LVRN: variants seen among roughly 807,000 people sequenced by gnomAD.
LVRN encodes laeverin.
LVRN carries 99 observed loss-of-function variants against 111.4 expected under a neutral mutation model. The observed-to-expected ratio is 0.89, with a 90% CI of 0.76 to 1.05. The LOEUF (loss-of-function observed/expected upper bound fraction) is 1.05. Among genes scored for constraint, LVRN ranks in the 50% least tolerant of loss-of-function variants. The pLI, the probability that LVRN is intolerant of heterozygous loss-of-function variation, is 0.00. For synonymous variants in LVRN, 488 were observed against 449.5 expected (o/e 1.09, Z -1.08); for missense variants, 1,414 against 1,206.8 (o/e 1.17, Z -2.54).
intron 4 of LVRN, among the ~76,000 whole-genome samples, chr5:115,990,960 C>T (rs920844784): frequency 1.7e-4 from 26 of 152,074 alleles, no homozygotes; most frequent in Admixed American, 1.6e-3. Context: ...CCCATATATT[C>T]TCTCTTTCCT....
At chr5:115,968,625 G>T (rs1223425033) in intron 1 of LVRN, among the ~76,000 whole-genome samples, 6 of 152,216 alleles carry the variant, frequency 3.9e-5, no homozygotes. Context: ...AGCCCTTGCT[G>T]TATAGTAGAG....
intron 18 of LVRN, chr5:116,020,943 T>C (rs562225130): frequency 2.8e-4 from 42 of 152,364 alleles, no homozygotes; most frequent in African/African-American, 1.0e-3. Flanking sequence ...AATTAGAATG[T>C]ATTTGAACAC....
intron 1 of LVRN, among the ~76,000 whole-genome samples, chr5:115,967,418 G>A (rs1297413825): frequency 6.6e-6 from 1 of 152,070 alleles, no homozygotes; most frequent in African/African-American, 2.4e-5. Context: ...AATTGCTTTT[G>A]CACCTTTGTC....
At chr5:116,016,795 G>C (rs1440750573) in intron 18 of LVRN, among the ~76,000 whole-genome samples, 1 of 152,112 alleles carries the variant, frequency 6.6e-6, no homozygotes, top group Admixed American at 6.5e-5. Flanking sequence ...CAGTAGACCA[G>C]TTGTTCCAGA....
intron 1 of LVRN, among the ~76,000 whole-genome samples, chr5:115,979,417 G>A (rs1753516262): frequency 1.3e-5 from 2 of 151,972 alleles, no homozygotes; most frequent in East Asian, 3.9e-4. Flanking sequence ...TGAGAGCGTG[G>A]AAAGCTTGGC....
Position 116,026,277 on chromosome 5 carries a change from G to A in LVRN, c.*159G>A. ...CCATTCTTCTCATATTGTCATGTTTGGCCCTGAGGGTGGGTGATTGCTGAC... is the reference window on the plus strand; with the variant it reads ...CCATTCTTCTCATATTGTCATGTTTAGCCCTGAGGGTGGGTGATTGCTGAC... On this transcript the variant is annotated 3_prime_UTR_variant, in exon 20 of 20. Coordinates refer to ENST00000357872, the MANE Select transcript of LVRN (RefSeq NM_173800.5). 8.9e-7 allele frequency: 1 copy of A among 1,125,520 alleles called. No homozygotes were observed. Among genetic ancestry groups the A allele is most frequent in the Non-Finnish European group, 1.2e-6 (1 of 806,742 alleles). The allele number at this position is 1,125,520 out of a possible 1,614,324, so 69.7% of individuals were successfully genotyped here.
chr5:115,966,030 C>A (rs371295515), intron 1 of LVRN, among the ~76,000 whole-genome samples: 1 of 151,918 alleles, frequency 6.6e-6, no homozygotes, highest in South Asian at 2.1e-4. Context: ...TCCTAGGTAC[C>A]CTTCATCTAG....
intron 1 of LVRN, among the ~76,000 whole-genome samples, chr5:115,982,181 A>G (rs1284347369): frequency 6.6e-6 from 1 of 152,166 alleles, no homozygotes; most frequent in Non-Finnish European, 1.5e-5. Flanking sequence ...AGGTTATGAC[A>G]CCTCAAAATG....
In LVRN at chr5:115,997,479, CAT is replaced by C. The variant is rs555115560; in HGVS notation, c.1375-2281_1375-2280del. On this transcript the variant is annotated intron_variant, in intron 6 of 19. Transcript: ENST00000357872. ...AGGAGTTTAAGACCAGCCTGGGCAA[CAT>C]AGTGAAATCTCGTCTCTACTAAAAT... Among the ~76,000 whole-genome samples the C allele has an allele frequency of 5.3e-5, 8 of 152,184 alleles. No homozygotes were observed. In the East Asian group the frequency reaches 1.5e-3, roughly 29 times the overall value.
chr5:116,014,388 A>G, intron 15 of LVRN, 32 bp from the exon 16 acceptor site: 1 of 1,531,938 alleles, frequency 6.5e-7, no homozygotes, highest in Non-Finnish European at 9.0e-7. Flanking sequence ...GTAATGCAAA[A>G]TAAACTGTTT....
At chr5:116,006,031 C>T in intron 13 of LVRN, 64 bp downstream of exon 13, 1 of 1,303,542 alleles carries the variant, frequency 7.7e-7, no homozygotes, top group Non-Finnish European at 1.1e-6. Flanking sequence ...AAAATAATAG[C>T]TTCATCACTA....
chr5:116,024,845 A>G (rs1043291133), intron 19 of LVRN, among the ~76,000 whole-genome samples: 3 of 152,224 alleles, frequency 2.0e-5, no homozygotes, highest in Non-Finnish European at 4.4e-5. Context: ...CTTAAGGTCC[A>G]GCGGTCCTGC....
Position 115,962,559 on chromosome 5 carries a change from G to C in LVRN, c.-59G>C, listed in dbSNP as rs750309575. On this transcript the variant is annotated 5_prime_UTR_variant, in exon 1 of 20. Coordinates refer to ENST00000357872, the MANE Select transcript of LVRN (RefSeq NM_173800.5). ...CGCAGCACTGAACACCCTGGCCGGG[G>C]TTTTGACAGCTGCCACAGTCTCTGA... 6.6e-7 allele frequency: 1 copy of C among 1,509,852 alleles called. No homozygotes were observed. Among genetic ancestry groups the C allele is most frequent in the East Asian group, 2.3e-5 (1 of 44,102 alleles). 93.5% of individuals were successfully genotyped at this position (1,509,852 alleles called of 1,614,324 possible).
At chr5:115,987,404 C>A (rs1400532110) in intron 3 of LVRN, among the ~76,000 whole-genome samples, 1 of 152,042 alleles carries the variant, frequency 6.6e-6, no homozygotes, top group East Asian at 1.9e-4. Flanking sequence ...TTAATATGTA[C>A]CATACTATAT....
At chr5:115,979,966 G>A (rs1193709414) in intron 1 of LVRN, among the ~76,000 whole-genome samples, 1 of 152,104 alleles carries the variant, frequency 6.6e-6, no homozygotes, top group African/African-American at 2.4e-5. Context: ...GTGTCATGTG[G>A]TTCTTGACCA....
At chr5:116,004,387 C>T (rs185150586) in intron 12 of LVRN, among the ~76,000 whole-genome samples, 2 of 152,090 alleles carry the variant, frequency 1.3e-5, no homozygotes, top group African/African-American at 2.4e-5. Flanking sequence ...GCTGTGAGCC[C>T]GTGGGTGGTT....
chr5:115,987,880 G>T lies in LVRN; in HGVS notation c.1046G>T (p.Gly349Val). The change falls in exon 4 of 20, where the codon GGT becomes GTT. Residue 349 changes from glycine to valine, a missense_variant. Transcript: ENST00000357872. Reference sequence around the variant, plus strand: ...GCAGACTTTGCTTTGAACATCACAGGTCCCATCTTCTCTTTTCTGGAGGAT... The same window carrying T: ...GCAGACTTTGCTTTGAACATCACAGTTCCCATCTTCTCTTTTCTGGAGGAT... Reference protein sequence around the residue: ...GSADFALNITGPIFSFLEDLF... With the variant: ...GSADFALNITVPIFSFLEDLF... 6.2e-7 allele frequency: 1 copy of T among 1,613,304 alleles called. No homozygotes were observed. The highest frequency in any genetic ancestry group is 1.7e-5 in the Admixed American group (1 of 59,942).
chr5:116,002,668 T>G (rs1292992019), intron 10 of LVRN, among the ~76,000 whole-genome samples, 167 bp from the exon 11 acceptor site: 1 of 152,200 alleles, frequency 6.6e-6, no homozygotes, highest in Non-Finnish European at 1.5e-5. Flanking sequence ...AAAACTGGCT[T>G]GTAAAAACAG....
At chr5:116,024,396 A>AG (rs1748818869) in intron 19 of LVRN, among the ~76,000 whole-genome samples, 1 of 152,218 alleles carries the variant, frequency 6.6e-6, no homozygotes, top group East Asian at 1.9e-4. Flanking sequence ...GCAAAAAAAA[A>AG]GGACAAGTAG....
Sources: allele counts gnomAD v4.1 joint callset (sites outside exome capture counted in the v4.1 genomes callset), GRCh38; gene constraint gnomAD v4.1.1; transcripts MANE v1.5; gene names NCBI Gene and HGNC (gene_info 2026-07-23, HGNC 2026-07-21).